LEO1: variants seen among roughly 807,000 people sequenced by gnomAD.
LEO1 encodes LEO1 component of Paf1/RNA polymerase II complex.
Under a neutral mutation model 80.4 loss-of-function variants are expected in LEO1, and 34 were observed. The ratio of observed to expected loss-of-function variants is 0.42; its 90% CI spans 0.32 to 0.56. LEO1 has a LOEUF of 0.56. Among genes scored for constraint, LEO1 ranks in the 20% least tolerant of loss-of-function variants. The pLI, the probability that LEO1 is intolerant of heterozygous loss-of-function variation, is 0.10. For missense variants in LEO1, 631 were observed against 814.2 expected (o/e 0.77, Z 2.74); for synonymous variants, 262 against 274.9 (o/e 0.95, Z 0.46).
intron 6 of LEO1, 108 bp from the exon 7 acceptor site, chr15:51,954,683 G>T: frequency 1.4e-6 from 1 of 724,082 alleles, no homozygotes. Context: ...AGAGGTGACA[G>T]ATGTATGTGT....
At chr15:51,967,818 G>A (rs1005704681) in intron 1 of LEO1, among the ~76,000 whole-genome samples, 3 of 152,190 alleles carry the variant, frequency 2.0e-5, no homozygotes, top group Admixed American at 1.3e-4. Context: ...AAACTAAGAC[G>A]ATATGGAAGA....
At position 51,966,135 on chromosome 15, in the gene LEO1, T is replaced by G; in HGVS notation, c.428A>C (p.Glu143Ala). 1 of 1,614,086 alleles carries G rather than the reference T, an allele frequency of 6.2e-7. No homozygotes were observed. Among genetic ancestry groups the G allele is most frequent in the Non-Finnish European group, 8.5e-7 (1 of 1,180,040 alleles). Residue 143 changes from glutamate (E) to alanine (A), a missense_variant, in exon 2 of 12, where the codon GAA (glutamate) becomes GCA (alanine). Glu to Ala is a moderately radical substitution (Grantham distance 107, BLOSUM62 -1). Coordinates refer to ENST00000299601, the MANE Select transcript of LEO1 (RefSeq NM_138792.4). ...EGSEKAHSDD[E>A]KWGREDKSDQ... ...ACTTTTATCTTCTCTGCCCCATTTT[T>G]CATCATCTGAATGTGCTTTTTCAGA...
At chr15:51,948,263 T>C (rs907697197) in intron 10 of LEO1, among the ~76,000 whole-genome samples, 3 of 152,216 alleles carry the variant, frequency 2.0e-5, no homozygotes, top group African/African-American at 7.2e-5. Context: ...GATTACTGTA[T>C]GGAACTGAGC....
intron 6 of LEO1, among the ~76,000 whole-genome samples, chr15:51,956,649 A>G (rs974830283): frequency 3.3e-5 from 5 of 152,178 alleles, no homozygotes; most frequent in Non-Finnish European, 5.9e-5. Flanking sequence ...TTGTTCTTAA[A>G]GAATTAACTA....
intron 1 of LEO1, among the ~76,000 whole-genome samples, chr15:51,966,917 A>G (rs1025121770): frequency 2.0e-5 from 3 of 152,104 alleles, no homozygotes; most frequent in Non-Finnish European, 4.4e-5. Flanking sequence ...TCTCAAAGAA[A>G]AAAAAGAAAA....
intron 2 of LEO1, among the ~76,000 whole-genome samples, chr15:51,965,486 T>G (rs2057067195): frequency 6.6e-6 from 1 of 152,190 alleles, no homozygotes; most frequent in African/African-American, 2.4e-5. Flanking sequence ...TATCCCTCCC[T>G]CTAAGACTCA....
chr15:51,965,741 T>C lies in LEO1; in HGVS notation c.814+8A>G, dbSNP rs756273113. On this transcript the variant is annotated splice_region_variant and intron_variant, in intron 2 of 11. Transcript: ENST00000299601. ...TCTGAGCCATTCTGGTTCTCATAAATGTATTACCTGATTTATGATCCTGTT... is the reference window on the plus strand; with the variant it reads ...TCTGAGCCATTCTGGTTCTCATAAACGTATTACCTGATTTATGATCCTGTT... 1.3e-6 allele frequency: 2 copies of C among 1,596,234 alleles called. No individual in the cohort carries two copies. The highest frequency in any genetic ancestry group is 1.7e-6 in the Non-Finnish European group (2 of 1,172,178).
intron 8 of LEO1, chr15:51,952,194 G>A (rs1422733690): frequency 1.6e-5 from 7 of 438,754 alleles, no homozygotes; most frequent in Non-Finnish European, 2.8e-5. Flanking sequence ...ATGAAAAACA[G>A]AAGGTTGGAG....
At chr15:51,962,552 T>G (rs753458149) in intron 2 of LEO1, 59 bp from the exon 3 acceptor site, 26 of 1,204,508 alleles carry the variant, frequency 2.2e-5, no homozygotes, top group Non-Finnish European at 2.5e-5. Flanking sequence ...ATTTTGTGTT[T>G]TAAAAGCAAT....
At chr15:51,968,713 C>T (rs755744817) in intron 1 of LEO1, among the ~76,000 whole-genome samples, 2 of 151,998 alleles carry the variant, frequency 1.3e-5, no homozygotes, top group Non-Finnish European at 2.9e-5. Flanking sequence ...CCTGTAGTCC[C>T]AGCTACTTGG....
chr15:51,938,698 G>A (rs544000797), intron 11 of LEO1, among the ~76,000 whole-genome samples: 121 of 152,064 alleles, frequency 8.0e-4, no homozygotes, highest in African/African-American at 2.7e-3. Context: ...ACATCATAAA[G>A]GTTTTTAAGA....
At chr15:51,968,414 G>A (rs1420524387) in intron 1 of LEO1, among the ~76,000 whole-genome samples, 2 of 151,982 alleles carry the variant, frequency 1.3e-5, no homozygotes, top group South Asian at 2.1e-4. Flanking sequence ...GGGGGCACAC[G>A]CCTGTAATCC....
intron 2 of LEO1, among the ~76,000 whole-genome samples, chr15:51,964,023 G>C (rs1263173145): frequency 6.6e-6 from 1 of 152,040 alleles, no homozygotes; most frequent in East Asian, 1.9e-4. Context: ...TGGCTAACAC[G>C]GTGAAACCCT....
chr15:51,960,015 C>A lies in LEO1; in HGVS notation c.1044G>T (p.Gln348His). 6.2e-7 allele frequency: 1 copy of A among 1,613,496 alleles called. No individual in the cohort carries two copies. The highest frequency in any genetic ancestry group is 8.5e-7 in the Non-Finnish European group (1 of 1,179,800). The change falls in exon 5 of 12, where the codon CAG (glutamine) becomes CAT (histidine). Residue 348 changes from glutamine (Q) to histidine (H), a missense_variant. By Grantham distance (24) the Gln-to-His change is conservative. Transcript: ENST00000299601. The part of the protein sequence containing the change: ...VDENGLPQDQ[Q>H]EEEPIPETRI... Reference sequence around the variant, plus strand: ...TGGTCTCAGGAATTGGCTCCTCTTCCTGTTGATCCTGAGGCAATCCATTTT... The same window carrying A: ...TGGTCTCAGGAATTGGCTCCTCTTCATGTTGATCCTGAGGCAATCCATTTT...
Position 51,941,109 on chromosome 15 carries a change from A to C in LEO1, c.1897-2849T>G, listed in dbSNP as rs180702300. Among the ~76,000 whole-genome samples, 780 of 152,124 alleles carry C rather than the reference A, an allele frequency of 5.1e-3. 6 individuals carry two copies. The highest frequency in any genetic ancestry group is 0.018 in the African/African-American group (756 of 41,518). On this transcript the variant is annotated intron_variant, in intron 11 of 11. Coordinates refer to ENST00000299601, the MANE Select transcript of LEO1 (RefSeq NM_138792.4). ...CAAACAAATAAATAAATAAATAAGC[A>C]AGCCAGCCAGCCAGCCATCACACAG...
rs1379254578 is a variant in LEO1, at chr15:51,971,734, C to T, written c.12G>A (p.Met4Ile). Reference sequence around the variant, plus strand: ...CGGCGTCGCTCCCGAAGAGATCCTCCATATCCGCCATTATCGCTCACGTCC... The same window carrying T: ...CGGCGTCGCTCCCGAAGAGATCCTCTATATCCGCCATTATCGCTCACGTCC... MAD[M>I]EDLFGSDADS... Residue 4 changes from methionine to isoleucine, a missense_variant, in exon 1 of 12, where the codon ATG becomes ATA. Coordinates refer to ENST00000299601, the MANE Select transcript of LEO1 (RefSeq NM_138792.4). 2 of 1,614,218 alleles carry T rather than the reference C, an allele frequency of 1.2e-6. No homozygotes were observed. The highest frequency in any genetic ancestry group is 3.3e-4 in the Middle Eastern group (2 of 6,062).
intron 7 of LEO1, among the ~76,000 whole-genome samples, chr15:51,953,504 C>G (rs916612741): frequency 1.3e-5 from 2 of 152,048 alleles, no homozygotes; most frequent in African/African-American, 4.8e-5. Flanking sequence ...CCCTGTAGTC[C>G]CAGCCTTCGG....
At chr15:51,944,391 A>G (rs979616910) in intron 11 of LEO1, among the ~76,000 whole-genome samples, 4 of 152,206 alleles carry the variant, frequency 2.6e-5, no homozygotes, top group Non-Finnish European at 5.9e-5. Context: ...AAATTGCCCT[A>G]AAATTGCACA....
chr15:51,945,110 T>C (rs2593199), intron 11 of LEO1, among the ~76,000 whole-genome samples: 63,772 of 151,574 alleles, frequency 0.42, 13,617 homozygotes, highest in Admixed American at 0.51. Context: ...TGAAAACCAC[T>C]CAGAATAAAA....
Sources: gnomAD v4.1 joint callset for allele counts (sites outside exome capture counted in the v4.1 genomes callset) on GRCh38, gnomAD v4.1.1 for gene constraint, MANE v1.5 for transcripts, NCBI Gene and HGNC (gene_info 2026-07-23, HGNC 2026-07-21) for gene names.